SLC22A3: variants seen among roughly 807,000 people sequenced by gnomAD.
The protein encoded by SLC22A3 is solute carrier family 22 member 3.
A neutral mutation model predicts 59.1 loss-of-function variants in SLC22A3; 51 were observed. The observed-to-expected ratio is 0.86, with a 90% confidence interval of 0.69 to 1.09. The LOEUF (loss-of-function observed/expected upper bound fraction) is 1.09. Ranked by LOEUF, SLC22A3 falls within the 50% of genes least tolerant of loss-of-function variation. SLC22A3 has a pLI of 0.00. For missense variants in SLC22A3, 711 were observed against 726.3 expected, an observed-to-expected ratio of 0.98 and a Z score of 0.24; for synonymous variants, 325 against 292.0, an observed-to-expected ratio of 1.11 and a Z score of -1.15.
intron 2 of SLC22A3, among the ~76,000 whole-genome samples, chr6:160,406,522 T>C (rs566792650): frequency 6.6e-6 from 1 of 152,216 alleles, no homozygotes; most frequent in South Asian, 2.1e-4. Flanking sequence ...TAAAACACTT[T>C]CACATTAACA....
chr6:160,430,529 G>A (rs925903806), intron 5 of SLC22A3, among the ~76,000 whole-genome samples: 3 of 152,140 alleles, frequency 2.0e-5, no homozygotes, highest in African/African-American at 7.2e-5. Flanking sequence ...AAAGAAAGAC[G>A]AATAAAGTGT....
chr6:160,426,779 G>T (rs1787972897), intron 5 of SLC22A3, among the ~76,000 whole-genome samples: 1 of 152,124 alleles, frequency 6.6e-6, no homozygotes, highest in South Asian at 2.1e-4. Flanking sequence ...TTTCATACAT[G>T]TCCTTTTCTG....
At chr6:160,442,020 G>A (rs1231487791) in intron 7 of SLC22A3, among the ~76,000 whole-genome samples, 2 of 152,142 alleles carry the variant, frequency 1.3e-5, no homozygotes, top group African/African-American at 4.8e-5. Context: ...AATATAGAAT[G>A]TTTGGCATTT....
chr6:160,356,643 C>T (rs1325687354), intron 1 of SLC22A3, among the ~76,000 whole-genome samples: 1 of 152,190 alleles, frequency 6.6e-6, no homozygotes, highest in Non-Finnish European at 1.5e-5. Flanking sequence ...GCAAACACCA[C>T]CTACCTTCCA....
At chr6:160,404,692 T>G (rs1786931903) in intron 2 of SLC22A3, among the ~76,000 whole-genome samples, 1 of 152,040 alleles carries the variant, frequency 6.6e-6, no homozygotes, top group Admixed American at 6.6e-5. Flanking sequence ...ACGTCAAGAC[T>G]TACCGTAAAG....
chr6:160,408,446 C>T (rs1275893878), intron 3 of SLC22A3, among the ~76,000 whole-genome samples: 2 of 152,176 alleles, frequency 1.3e-5, no homozygotes, highest in Non-Finnish European at 2.9e-5. Context: ...ATCACTGAAG[C>T]TTTCCTAAAA....
chr6:160,418,103 G>A (rs1787578050), intron 5 of SLC22A3, among the ~76,000 whole-genome samples: 2 of 152,216 alleles, frequency 1.3e-5, no homozygotes, highest in African/African-American at 4.8e-5. Flanking sequence ...GTCTAGGAGG[G>A]TGTTGCCAGA....
At chr6:160,363,901 G>A (rs759358914) in intron 1 of SLC22A3, among the ~76,000 whole-genome samples, 30 of 151,822 alleles carry the variant, frequency 2.0e-4, no homozygotes, top group Non-Finnish European at 4.1e-4. Flanking sequence ...CTGACCAGCT[G>A]TCCCCACTTG....
chr6:160,417,243 A>G (rs1787534725), intron 5 of SLC22A3, among the ~76,000 whole-genome samples: 1 of 152,194 alleles, frequency 6.6e-6, no homozygotes, highest in East Asian at 1.9e-4. Context: ...AATTCCTGAC[A>G]GCCCTCTTGC....
chr6:160,371,515 TC>T (rs1336679412), intron 1 of SLC22A3, among the ~76,000 whole-genome samples: 15 of 152,326 alleles, frequency 9.8e-5, no homozygotes, highest in Admixed American at 7.2e-4. Context: ...CATGAACTCA[TC>T]CTTTTTTATG....
Position 160,410,157 on chromosome 6 carries a change from C to T in SLC22A3, c.858-572C>T, listed in dbSNP as rs111332350. 6.3e-3 allele frequency among the ~76,000 whole-genome samples: 957 copies of T among 152,296 alleles called. 12 individuals are homozygous for T. The highest frequency in any genetic ancestry group is 0.037 in the Middle Eastern group (11 of 294). On this transcript the variant is annotated intron_variant, in intron 4 of 10. Transcript: ENST00000275300. ...TCATCCTCCCCAGTAGCTGGGATTA[C>T]AGGCATGCACCACCACACCCAGCTA...
Position 160,437,291 on chromosome 6 carries a change from G to C in SLC22A3, c.1288+80G>C, listed in dbSNP as rs141064415. ...CACAATCAAGTATAGGGAGCCACTT[G>C]TTCTTAGGAAATGTGCAATGGAATC... On this transcript the variant is annotated intron_variant, in intron 7 of 10. Coordinates refer to ENST00000275300, the MANE Select transcript of SLC22A3 (RefSeq NM_021977.4). 109 of 1,391,626 alleles carry C rather than the reference G, an allele frequency of 7.8e-5. 1 individual carries two copies. The African/African-American group carries it at 1.5e-3, about 19-fold the overall frequency. 86.2% of individuals were successfully genotyped at this position (1,391,626 alleles called of 1,614,324 possible).
At chr6:160,370,902 T>C (rs1320187649) in intron 1 of SLC22A3, among the ~76,000 whole-genome samples, 1 of 152,208 alleles carries the variant, frequency 6.6e-6, no homozygotes, top group African/African-American at 2.4e-5. Context: ...TCTTTGCTTC[T>C]ACCTCATTTC....
chr6:160,401,586 C>T (rs778706706), intron 2 of SLC22A3, among the ~76,000 whole-genome samples: 7 of 151,816 alleles, frequency 4.6e-5, no homozygotes, highest in Non-Finnish European at 7.4e-5. Flanking sequence ...TCCAGATCTA[C>T]ATAAAGGAAA....
intron 5 of SLC22A3, chr6:160,425,731 TAGGTA>T (rs1385451341): frequency 1.3e-6 from 1 of 760,436 alleles, no homozygotes; most frequent in Non-Finnish European, 1.6e-6. Flanking sequence ...CATTGAAATC[TAGGTA>T]AGGTAAGTAC....
rs373045534 is a variant in SLC22A3 at position 160,389,447 on chromosome 6, G to A, written c.430-8532G>A. On this transcript the variant is annotated intron_variant, in intron 1 of 10. Coordinates refer to ENST00000275300, the MANE Select transcript of SLC22A3 (RefSeq NM_021977.4). ...GATGGCCAAGCACCTTAACTGACAG[G>A]GTTCTGTTCTTGTTCACAGTGGGGA... is the stretch of plus-strand genomic sequence containing the variant. Among the ~76,000 whole-genome samples the A allele has an allele frequency of 2.2e-4, 34 of 152,236 alleles. No individual in the cohort carries two copies. The East Asian group carries it at 4.4e-3, about 20-fold the overall frequency.
intron 1 of SLC22A3, among the ~76,000 whole-genome samples, chr6:160,371,017 TTTATCGCATTCTGTGTTTCTCTGGTAGA>T (rs1404416748): frequency 6.6e-6 from 1 of 152,160 alleles, no homozygotes; most frequent in East Asian, 1.9e-4. Flanking sequence ...CCTCTGTGCT[TTTATCGCATTCTGTGTTTCTCTGGTAGA>T]TTATCTTTTG....
chr6:160,388,577 A>T (rs1175481007), intron 1 of SLC22A3, among the ~76,000 whole-genome samples: 1 of 152,182 alleles, frequency 6.6e-6, no homozygotes, highest in Non-Finnish European at 1.5e-5. Context: ...ATGTTTCTCA[A>T]TCTCTACTTT....
rs143361248 is a variant in SLC22A3 at position 160,452,181 on chromosome 6, T to C, written c.*1125T>C. The C allele has an allele frequency of 1.3e-5, 2 of 152,346 alleles. No individual in the cohort carries two copies. Among genetic ancestry groups the C allele is most frequent in the Non-Finnish European group, 2.9e-5 (2 of 68,030 alleles). 9.4% of individuals were successfully genotyped at this position (152,346 alleles called of 1,614,324 possible). On this transcript the variant is annotated 3_prime_UTR_variant, in exon 11 of 11. Transcript: ENST00000275300. ...TGTGTGTTCTGCTTTATATGTTATA[T>C]TCAATATCTTTTCAGATGCAGTCTA...
Sources: gnomAD v4.1 joint callset for allele counts (sites outside exome capture counted in the v4.1 genomes callset) on GRCh38, gnomAD v4.1.1 for gene constraint, MANE v1.5 for transcripts, NCBI Gene and HGNC (gene_info 2026-07-23, HGNC 2026-07-21) for gene names.